PARN: variants seen among roughly 807,000 people sequenced by gnomAD.
The protein encoded by PARN is poly(A)-specific ribonuclease PARN.
PARN carries 71 observed loss-of-function variants against 102.8 expected under a neutral mutation model. The observed-to-expected ratio is 0.69, with a 90% CI of 0.57 to 0.84. The LOEUF (loss-of-function observed/expected upper bound fraction) is 0.84, where lower values mean the gene tolerates loss of function less well. Among genes scored for constraint, PARN ranks in the 40% least tolerant of loss-of-function variants. The probability of loss-of-function intolerance (pLI) is 0.00; values close to 1 mark genes in which losing one functional copy is unlikely to be tolerated. For missense variants in PARN, 782 were observed against 760.9 expected, an observed-to-expected ratio of 1.03 and a Z score of -0.33; for synonymous variants, 261 against 252.9, an observed-to-expected ratio of 1.03 and a Z score of -0.30.
chr16:14,557,123 G>C (rs1449450598), intron 18 of PARN, among the ~76,000 whole-genome samples: 1 of 152,090 alleles, frequency 6.6e-6, no homozygotes, highest in Non-Finnish European at 1.5e-5. Flanking sequence ...ATTTTAATGA[G>C]TTTTACTTAG....
intron 22 of PARN, among the ~76,000 whole-genome samples, chr16:14,452,410 T>C (rs1961504109): frequency 6.6e-6 from 1 of 152,240 alleles, no homozygotes; most frequent in Non-Finnish European, 1.5e-5. Context: ...TCTTGCTCCG[T>C]TGCTCAGGCT....
intron 13 of PARN, among the ~76,000 whole-genome samples, chr16:14,592,672 C>T (rs1390411213): frequency 6.6e-6 from 1 of 152,210 alleles, no homozygotes; most frequent in Non-Finnish European, 1.5e-5. Flanking sequence ...GCTGCCACCA[C>T]TTACCTTCAA....
At chr16:14,506,172 C>T (rs1051833112) in intron 21 of PARN, among the ~76,000 whole-genome samples, 3 of 152,140 alleles carry the variant, frequency 2.0e-5, no homozygotes, top group African/African-American at 7.2e-5. Flanking sequence ...GAAACATACA[C>T]ATTGAAGGAC....
In PARN at chr16:14,525,461, T is replaced by A. The variant is rs939880956; in HGVS notation, c.1480+26560A>T. ...AGACCAAGGTGGGGTGCACAAACATTCCATTCAAATGAAGGTCAGCACAGC... is the reference window on the plus strand; with the variant it reads ...AGACCAAGGTGGGGTGCACAAACATACCATTCAAATGAAGGTCAGCACAGC... On this transcript the variant is annotated intron_variant, in intron 21 of 23. Coordinates refer to ENST00000437198, the MANE Select transcript of PARN (RefSeq NM_002582.4). Among the ~76,000 whole-genome samples the A allele has an allele frequency of 2.0e-5, 3 of 152,106 alleles. No individual in the cohort carries two copies. In the South Asian group the frequency reaches 6.2e-4, roughly 32 times the overall value.
At chr16:14,439,394 A>AGAGG (rs1960849758) in intron 23 of PARN, among the ~76,000 whole-genome samples, 2 of 99,414 alleles carry the variant, frequency 2.0e-5, no homozygotes, top group African/African-American at 7.1e-5. Flanking sequence ...AAAAAAAAAT[A>AGAGG]GAGGGAGGGA....
At chr16:14,451,869 C>CAAAAAAAAAAAAAAAAAAAAAAAA (rs869041563) in intron 22 of PARN, among the ~76,000 whole-genome samples, 34 of 52,496 alleles carry the variant, frequency 6.5e-4, no homozygotes, top group African/African-American at 7.9e-4. Context: ...AAAAAAAATA[C>CAAAAAAAAAAAAAAAAAAAAAAAA]AAAAAAAAAA....
At chr16:14,629,926 C>T (rs927910311) in intron 1 of PARN, among the ~76,000 whole-genome samples, 181 bp downstream of exon 1, 1 of 152,220 alleles carries the variant, frequency 6.6e-6, no homozygotes, top group Non-Finnish European at 1.5e-5. Context: ...GTACAAGGCT[C>T]CTAGGGTGCA....
At chr16:14,616,242 A>G (rs1971894935) in intron 6 of PARN, among the ~76,000 whole-genome samples, 1 of 152,202 alleles carries the variant, frequency 6.6e-6, no homozygotes, top group Non-Finnish European at 1.5e-5. Flanking sequence ...GTAGTCATGC[A>G]CCCATTTATG....
intron 21 of PARN, among the ~76,000 whole-genome samples, chr16:14,484,966 C>T (rs113874139): frequency 1.2e-4 from 18 of 152,040 alleles, no homozygotes; most frequent in Admixed American, 4.6e-4. Context: ...CACTTGTAAT[C>T]CCAGCACTTT....
At chr16:14,544,648 A>G (rs559096642) in intron 21 of PARN, among the ~76,000 whole-genome samples, 1 of 152,354 alleles carries the variant, frequency 6.6e-6, no homozygotes, top group East Asian at 1.9e-4. Context: ...TGATTATAAT[A>G]TCAGATAAGG....
At chr16:14,555,972 C>T (rs1967660628) in intron 18 of PARN, among the ~76,000 whole-genome samples, 1 of 151,446 alleles carries the variant, frequency 6.6e-6, no homozygotes, top group Non-Finnish European at 1.5e-5. Context: ...TTAAGTGGTT[C>T]TTCTGCCTCA....
Position 14,597,696 on chromosome 16 carries a change from C to CAAA in PARN, c.840+2205_840+2207dup, listed in dbSNP as rs147618787. On this transcript the variant is annotated intron_variant, in intron 12 of 23. Coordinates refer to ENST00000437198, the MANE Select transcript of PARN (RefSeq NM_002582.4). ...TGGGCGACAAAGCAAGACTCCATCT[C>CAAA]AAAAAAAAAAAAAAAATTGATCGAC... is the stretch of plus-strand genomic sequence containing the variant. Among the ~76,000 whole-genome samples the CAAA allele has an allele frequency of 2.6e-5, 3 of 115,044 alleles. 1 individual carries two copies. In the Admixed American group the frequency reaches 2.8e-4, roughly 11 times the overall value. 75.5% of individuals were successfully genotyped at this position (115,044 alleles called of 152,430 possible).
intron 22 of PARN, among the ~76,000 whole-genome samples, chr16:14,482,108 T>C (rs906235850): frequency 6.6e-5 from 10 of 152,130 alleles, no homozygotes; most frequent in Admixed American, 2.6e-4. Flanking sequence ...GAGTAAGACA[T>C]ATCCTGGGCC....
rs186966145 is a variant in PARN, at chr16:14,506,121, C to T, written c.1481-23294G>A. On this transcript the variant is annotated intron_variant, in intron 21 of 23. Coordinates refer to ENST00000437198, the MANE Select transcript of PARN (RefSeq NM_002582.4). ...GAGCACATCAACTACGTGGTACTCC[C>T]GCCAGAAACATTTAATCTGAATCTT... Among the ~76,000 whole-genome samples the T allele has an allele frequency of 6.6e-5, 10 of 152,270 alleles. No homozygotes were observed. The East Asian group carries it at 1.5e-3, about 24-fold the overall frequency.
chr16:14,522,461 G>A (rs1256031178), intron 21 of PARN, among the ~76,000 whole-genome samples: 1 of 152,204 alleles, frequency 6.6e-6, no homozygotes, highest in Non-Finnish European at 1.5e-5. Flanking sequence ...AATGGCTTGA[G>A]TCCTGGAGTT....
chr16:14,529,315 T>G (rs890589571), intron 21 of PARN, among the ~76,000 whole-genome samples: 4 of 152,176 alleles, frequency 2.6e-5, no homozygotes, highest in African/African-American at 9.7e-5. Flanking sequence ...CACCTTCTGG[T>G]TGGTGAAAAG....
At chr16:14,444,655 G>A (rs1447079942) in intron 23 of PARN, among the ~76,000 whole-genome samples, 1 of 152,120 alleles carries the variant, frequency 6.6e-6, no homozygotes, top group Admixed American at 6.5e-5. Context: ...AATACAAGTG[G>A]GGAAACCCCC....
At position 14,586,359 on chromosome 16, in the gene PARN, G is replaced by A; in HGVS notation, c.921C>T (p.Asp307=). The change falls in exon 14 of 24, where the codon GAC becomes GAT. Residue 307 remains aspartate, a splice_region_variant and synonymous_variant. Coordinates refer to ENST00000437198, the MANE Select transcript of PARN (RefSeq NM_002582.4). ...TTGTCATCTCTTTAAACTCACTTAA[G>A]TCCTAAAGAACAAGAGAAGGACTTG... ...VHQFYCPLPA[D]LSEFKEMTTC... 6.6e-7 allele frequency: 1 copy of A among 1,523,850 alleles called. No individual in the cohort carries two copies. Among genetic ancestry groups the A allele is most frequent in the Non-Finnish European group, 8.9e-7 (1 of 1,118,936 alleles). The allele number at this position is 1,523,850 out of a possible 1,614,324, so 94.4% of individuals were successfully genotyped here.
chr16:14,625,777 A>G (rs552117950), intron 5 of PARN, among the ~76,000 whole-genome samples: 3 of 152,352 alleles, frequency 2.0e-5, no homozygotes, highest in East Asian at 1.9e-4. Flanking sequence ...CGAGGCTTTC[A>G]TAACTGCATT....
Sources: gnomAD v4.1 joint callset for allele counts (sites outside exome capture counted in the v4.1 genomes callset) on GRCh38, gnomAD v4.1.1 for gene constraint, MANE v1.5 for transcripts, NCBI Gene and HGNC (gene_info 2026-07-23, HGNC 2026-07-21) for gene names.